Variants in FNDC3B observed in about 807,000 individuals in gnomAD.
The protein encoded by FNDC3B is fibronectin type III domain-containing protein 3B.
A neutral mutation model predicts 151.5 loss-of-function variants in FNDC3B; 12 were observed. That is an observed-to-expected ratio of 0.08 (90% confidence interval 0.05 to 0.13). The LOEUF (loss-of-function observed/expected upper bound fraction) is 0.13. Among genes scored for constraint, FNDC3B ranks in the 10% least tolerant of loss-of-function variants. FNDC3B has a pLI of 1.00. For synonymous variants in FNDC3B, 528 were observed against 549.0 expected (o/e 0.96, Z 0.54); for missense variants, 1,214 against 1,505.3 (o/e 0.81, Z 3.20).
chr3:172,208,729 GGA>G (rs1409685052), intron 3 of FNDC3B, among the ~76,000 whole-genome samples: 3 of 14,330 alleles, frequency 2.1e-4, no homozygotes, highest in African/African-American at 1.8e-3. Flanking sequence ...CACTTGGCCT[GGA>G]TCAGGCAGCA....
rs371814226 is a variant in FNDC3B, at chr3:172,335,036, G to T, written c.1734G>T (p.Pro578=). The T allele has an allele frequency of 1.9e-6, 3 of 1,612,804 alleles. No individual in the cohort carries two copies. Among genetic ancestry groups the T allele is most frequent in the African/African-American group, 1.3e-5 (1 of 74,746 alleles). ...ACAGGCCTGGACCTCCTACCAGACCGCTTGTCAAAGGCCCAGTTACATCTC... is the reference window on the plus strand; with the variant it reads ...ACAGGCCTGGACCTCCTACCAGACCTCTTGTCAAAGGCCCAGTTACATCTC... ...SPDRPGPPTR[P]LVKGPVTSHG... Residue 578 remains proline (P), a synonymous_variant, in exon 15 of 26, where the codon CCG becomes CCT. Transcript: ENST00000415807.
At position 172,287,403 on chromosome 3, in the gene FNDC3B, C is replaced by T. The variant is rs187417099; in HGVS notation, c.849+1419C>T. Among the ~76,000 whole-genome samples the T allele has an allele frequency of 1.9e-3, 293 of 152,226 alleles. 3 individuals are homozygous for T. Among genetic ancestry groups the T allele is most frequent in the African/African-American group, 6.9e-3 (288 of 41,522 alleles). The stretch of plus-strand genomic sequence containing the variant: ...CTGAGGAGCGAGGAGGAACAAGATA[C>T]AAGACAGGGAGATCACATGCATAGC... On this transcript the variant is annotated intron_variant, in intron 7 of 25. Transcript: ENST00000415807.
chr3:172,063,357 C>T (rs912013836), intron 1 of FNDC3B, among the ~76,000 whole-genome samples: 1 of 152,168 alleles, frequency 6.6e-6, no homozygotes, highest in Admixed American at 6.5e-5. Context: ...ATTCTCCTCC[C>T]AACAGTTTTC....
intron 22 of FNDC3B, among the ~76,000 whole-genome samples, chr3:172,359,199 A>T (rs1734253700): frequency 6.6e-6 from 1 of 152,200 alleles, no homozygotes; most frequent in South Asian, 2.1e-4. Context: ...AATTTTTTTT[A>T]TATCTTGATA....
At chr3:172,169,797 C>CT (rs747308554) in intron 3 of FNDC3B, among the ~76,000 whole-genome samples, 131 of 152,340 alleles carry the variant, frequency 8.6e-4, no homozygotes, top group Non-Finnish European at 1.5e-3. Flanking sequence ...ATTCCAAAAG[C>CT]TGACTGTTCC....
intron 3 of FNDC3B, among the ~76,000 whole-genome samples, chr3:172,204,117 T>C (rs1340047330): frequency 6.6e-6 from 1 of 152,220 alleles, no homozygotes; most frequent in Non-Finnish European, 1.5e-5. Context: ...GCTGCCTCTG[T>C]GAGGCACTCC....
intron 3 of FNDC3B, among the ~76,000 whole-genome samples, chr3:172,159,784 A>G (rs1323581618): frequency 6.6e-6 from 1 of 152,210 alleles, no homozygotes; most frequent in African/African-American, 2.4e-5. Flanking sequence ...TAGGTTCTGG[A>G]TTCATTTTAA....
chr3:172,174,931 C>A, intron 3 of FNDC3B, among the ~76,000 whole-genome samples: 1 of 24,888 alleles, frequency 4.0e-5, no homozygotes, highest in South Asian at 2.0e-3. Context: ...CTTCCCCCCG[C>A]CACCCCCCCC....
intron 2 of FNDC3B, among the ~76,000 whole-genome samples, chr3:172,130,825 G>A (rs1159775310): frequency 6.6e-6 from 1 of 152,128 alleles, no homozygotes; most frequent in Admixed American, 6.5e-5. Context: ...GAAAATCTAG[G>A]ACATAGAGTC....
At chr3:172,291,085 A>G (rs1399018822) in intron 7 of FNDC3B, among the ~76,000 whole-genome samples, 2 of 152,230 alleles carry the variant, frequency 1.3e-5, no homozygotes, top group Non-Finnish European at 2.9e-5. Flanking sequence ...AAAATATCAG[A>G]AAAAAATGGA....
chr3:172,312,967 C>T (rs940113730), intron 11 of FNDC3B, among the ~76,000 whole-genome samples: 5 of 152,174 alleles, frequency 3.3e-5, no homozygotes, highest in East Asian at 1.9e-4. Flanking sequence ...TACAGGCTAG[C>T]GGTCAAAAAA....
intron 1 of FNDC3B, among the ~76,000 whole-genome samples, chr3:172,046,669 A>G (rs1716385704): frequency 6.6e-6 from 1 of 152,140 alleles, no homozygotes; most frequent in South Asian, 2.1e-4. Context: ...TCAGTTTCAA[A>G]TAACCATTTT....
chr3:172,191,452 A>G (rs1202538554), intron 3 of FNDC3B, among the ~76,000 whole-genome samples: 7 of 152,162 alleles, frequency 4.6e-5, no homozygotes, highest in African/African-American at 1.7e-4. Context: ...TGAATTTCTC[A>G]GAGGTTAAGC....
At chr3:172,273,549 C>A (rs1009372761) in intron 6 of FNDC3B, among the ~76,000 whole-genome samples, 28 of 152,312 alleles carry the variant, frequency 1.8e-4, no homozygotes, top group African/African-American at 6.5e-4. Flanking sequence ...GCCTAGACCA[C>A]ATTTTCTGGG....
chr3:172,287,042 G>A (rs548346932), intron 7 of FNDC3B, among the ~76,000 whole-genome samples: 11 of 152,284 alleles, frequency 7.2e-5, no homozygotes, highest in African/African-American at 2.6e-4. Context: ...GATATCAAAT[G>A]TCAAGGATAA....
chr3:172,334,915 A>G, intron 14 of FNDC3B, 29 bp from the exon 15 acceptor site: 1 of 1,600,490 alleles, frequency 6.2e-7, no homozygotes. Flanking sequence ...TAACTAAATC[A>G]TGTTAACGTT....
chr3:172,206,080 C>G, intron 3 of FNDC3B, among the ~76,000 whole-genome samples: 1 of 152,080 alleles, frequency 6.6e-6, no homozygotes, highest in Non-Finnish European at 1.5e-5. Context: ...AGCTTGGAAG[C>G]AACATTTTTA....
chr3:172,294,382 A>G (rs1014668389), intron 7 of FNDC3B, among the ~76,000 whole-genome samples: 2 of 152,220 alleles, frequency 1.3e-5, no homozygotes, highest in Admixed American at 6.5e-5. Flanking sequence ...ACTTACAATC[A>G]TGGTGGAAGA....
At chr3:172,374,294 T>C (rs1046435654) in intron 23 of FNDC3B, among the ~76,000 whole-genome samples, 2 of 152,250 alleles carry the variant, frequency 1.3e-5, no homozygotes, top group African/African-American at 4.8e-5. Context: ...CAGGGAGTCC[T>C]TTCTAAAAAT....
Sources: gnomAD v4.1 joint callset for allele counts (sites outside exome capture counted in the v4.1 genomes callset) on GRCh38, gnomAD v4.1.1 for gene constraint, MANE v1.5 for transcripts, NCBI Gene and HGNC (gene_info 2026-07-23, HGNC 2026-07-21) for gene names.